The following ANKFN1 variants were observed in gnomAD, a reference collection of about 807,000 sequenced individuals.
ANKFN1 encodes ankyrin repeat and fibronectin type-III domain-containing protein 1.
A neutral mutation model predicts 108.7 loss-of-function variants in ANKFN1; 74 were observed. The observed-to-expected ratio is 0.68, with a 90% CI of 0.56 to 0.83. The LOEUF is 0.83. Ranked by LOEUF, ANKFN1 falls within the 40% of genes least tolerant of loss-of-function variation. The probability of loss-of-function intolerance (pLI) is 0.00; values close to 1 mark genes in which losing one functional copy is unlikely to be tolerated. For missense variants in ANKFN1, 1,505 were observed against 1,382.3 expected (o/e 1.09, Z -1.41); for synonymous variants, 547 against 516.2 (o/e 1.06, Z -0.81).
chr17:56,194,909 CA>C (rs1389300803), intron 1 of ANKFN1, among the ~76,000 whole-genome samples: 1 of 152,100 alleles, frequency 6.6e-6, no homozygotes, highest in East Asian at 1.9e-4. Context: ...CTATTTAAAA[CA>C]AAAAACAACA....
rs144187012 is a variant in ANKFN1, at chr17:56,250,646, A to T, written c.53+22689A>T. Among the ~76,000 whole-genome samples the T allele has an allele frequency of 7.8e-3, 1,195 of 152,342 alleles. 9 individuals are homozygous for T. Among genetic ancestry groups the T allele is most frequent in the South Asian group, 0.016 (75 of 4,820 alleles). On this transcript the variant is annotated intron_variant, in intron 3 of 20. Coordinates refer to ENST00000682825, the MANE Select transcript of ANKFN1 (RefSeq NM_001370326.1). The stretch of plus-strand genomic sequence containing the variant: ...TAAGTGATGGGAAAAGGGTACCCTC[A>T]AGAGTTAATTGCCTTGAGCAAGCCA...
chr17:56,095,567 G>A (rs530455235), intron 4 of ANKFN1, among the ~76,000 whole-genome samples: 1 of 141,368 alleles, frequency 7.1e-6, no homozygotes. Flanking sequence ...CTCCCAAAGT[G>A]CTGGGACTAC....
chr17:56,498,550 G>A (rs1004889380), intron 19 of ANKFN1, among the ~76,000 whole-genome samples: 1 of 152,006 alleles, frequency 6.6e-6, no homozygotes, highest in African/African-American at 2.4e-5. Flanking sequence ...AAATGTTTTG[G>A]CCACATTTTA....
chr17:56,192,040 C>T (rs1361410920), intron 1 of ANKFN1, among the ~76,000 whole-genome samples: 1 of 152,096 alleles, frequency 6.6e-6, no homozygotes, highest in East Asian at 1.9e-4. Context: ...TCACGTAGTT[C>T]TCGAGCCTTG....
chr17:56,151,304 G>A (rs1266078297), upstream of ANKFN1, among the ~76,000 whole-genome samples: 1 of 152,172 alleles, frequency 6.6e-6, no homozygotes, highest in Admixed American at 6.5e-5. Context: ...GCCATGCAAA[G>A]TTTGTATTGT....
chr17:56,440,514 C>G, intron 9 of ANKFN1, 90 bp downstream of exon 9: 2 of 991,134 alleles, frequency 2.0e-6, no homozygotes, highest in South Asian at 2.9e-5. Flanking sequence ...AAGCAACAGC[C>G]AACGCCCAGT....
chr17:56,221,704 G>T (rs969404407), intron 2 of ANKFN1, among the ~76,000 whole-genome samples: 1 of 152,202 alleles, frequency 6.6e-6, no homozygotes, highest in Non-Finnish European at 1.5e-5. Flanking sequence ...AAGCGATTTC[G>T]AACACAGTTA....
intron 18 of ANKFN1, among the ~76,000 whole-genome samples, chr17:56,491,586 G>A (rs1361068660): frequency 6.6e-6 from 1 of 152,120 alleles, no homozygotes; most frequent in Non-Finnish European, 1.5e-5. Flanking sequence ...ACAAGAAATG[G>A]TCTGTCCAAG....
chr17:56,499,980 C>T (rs759784785), intron 20 of ANKFN1, among the ~76,000 whole-genome samples: 6 of 152,092 alleles, frequency 3.9e-5, no homozygotes, highest in Admixed American at 6.6e-5. Context: ...GTGGATTTGT[C>T]CCATAGGGGG....
intron 4 of ANKFN1, among the ~76,000 whole-genome samples, chr17:56,147,301 T>C (rs1908323068): frequency 6.6e-6 from 1 of 152,200 alleles, no homozygotes; most frequent in Admixed American, 6.5e-5. Flanking sequence ...TTCCACATTT[T>C]TGGGTATCCT....
chr17:56,392,418 T>A (rs1379921133), intron 8 of ANKFN1, among the ~76,000 whole-genome samples: 1 of 152,182 alleles, frequency 6.6e-6, no homozygotes, highest in Non-Finnish European at 1.5e-5. Context: ...TCTTCTGCTC[T>A]ACCCCCACAG....
chr17:56,485,722 A>G (rs1036792289), intron 18 of ANKFN1, among the ~76,000 whole-genome samples: 2 of 152,228 alleles, frequency 1.3e-5, no homozygotes, highest in African/African-American at 4.8e-5. Context: ...TGACTAGAGC[A>G]ATGTTTTTCA....
chr17:56,099,785 T>G (rs1356828354), intron 4 of ANKFN1, among the ~76,000 whole-genome samples: 1 of 152,178 alleles, frequency 6.6e-6, no homozygotes, highest in Non-Finnish European at 1.5e-5. Flanking sequence ...AGGGTAATGA[T>G]GGAGGTGGAA....
rs186661927 is a variant in ANKFN1, at chr17:56,259,673, A to G, written c.53+31716A>G. On this transcript the variant is annotated intron_variant, in intron 3 of 20. Coordinates refer to ENST00000682825, the MANE Select transcript of ANKFN1 (RefSeq NM_001370326.1). ...CTCGCATCACAGAGGATGGAGAAAA[A>G]GGAGACTAAAAATTTTCTAGTTTGC... Among the ~76,000 whole-genome samples, 27 of 152,264 alleles carry G rather than the reference A, an allele frequency of 1.8e-4. No homozygotes were observed. In the East Asian group the frequency reaches 5.0e-3, roughly 28 times the overall value.
At chr17:56,063,853 T>A (rs1158441159) in intron 4 of ANKFN1, among the ~76,000 whole-genome samples, 1 of 152,100 alleles carries the variant, frequency 6.6e-6, no homozygotes, top group African/African-American at 2.4e-5. Flanking sequence ...GTTTTCAGCA[T>A]TTTTTTCTTA....
rs558033096 is a variant in ANKFN1, at chr17:56,289,966, T to C, written c.54-36255T>C. Among the ~76,000 whole-genome samples the C allele has an allele frequency of 3.9e-5, 6 of 152,328 alleles. No individual in the cohort carries two copies. The South Asian group carries it at 8.3e-4, about 21-fold the overall frequency. ...GCAAGGCAGATATAGTTAGTCCCAT[T>C]TCACAGATAAGAAAACTGAGATTCA... On this transcript the variant is annotated intron_variant, in intron 3 of 20. Coordinates refer to ENST00000682825, the MANE Select transcript of ANKFN1 (RefSeq NM_001370326.1).
intron 3 of ANKFN1, among the ~76,000 whole-genome samples, chr17:56,277,085 A>C (rs2144219211): frequency 6.6e-6 from 1 of 152,366 alleles, no homozygotes; most frequent in Non-Finnish European, 1.5e-5. Context: ...ATGATATGAA[A>C]TATAGAAGCC....
At chr17:56,282,732 T>C (rs2044115954) in intron 3 of ANKFN1, among the ~76,000 whole-genome samples, 1 of 152,192 alleles carries the variant, frequency 6.6e-6, no homozygotes, top group South Asian at 2.1e-4. Flanking sequence ...ACTTTTTTTT[T>C]TGAAGGCCTG....
chr17:56,296,683 CAAAA>C (rs958359886), intron 3 of ANKFN1, among the ~76,000 whole-genome samples: 1 of 151,628 alleles, frequency 6.6e-6, no homozygotes. Context: ...GACTCCGTCT[CAAAA>C]AACAAACAAA....
Sources: allele counts gnomAD v4.1 joint callset (sites outside exome capture counted in the v4.1 genomes callset), GRCh38; gene constraint gnomAD v4.1.1; transcripts MANE v1.5; gene names NCBI Gene and HGNC (gene_info 2026-07-23, HGNC 2026-07-21).